CDH4: variants seen among roughly 807,000 people sequenced by gnomAD.
The protein encoded by CDH4 is cadherin-4.
Under a neutral mutation model 86.0 loss-of-function variants are expected in CDH4, and 33 were observed. The ratio of observed to expected loss-of-function variants is 0.38; its 90% confidence interval spans 0.29 to 0.51. The LOEUF (loss-of-function observed/expected upper bound fraction) is 0.51, where lower values mean the gene tolerates loss of function less well. Ranked by LOEUF, CDH4 falls within the 20% of genes least tolerant of loss-of-function variation. CDH4 has a pLI of 0.86. For synonymous variants in CDH4, 555 were observed against 549.4 expected, an observed-to-expected ratio of 1.01 and a Z score of -0.14; for missense variants, 1,114 against 1,307.4, an observed-to-expected ratio of 0.85 and a Z score of 2.28.
At chr20:61,702,003 G>A (rs927306814) in intron 2 of CDH4, among the ~76,000 whole-genome samples, 3 of 152,210 alleles carry the variant, frequency 2.0e-5, no homozygotes, top group African/African-American at 2.4e-5. Context: ...CCGGGAGGAA[G>A]AGCCTAGACC....
chr20:61,635,237 C>T (rs991033675), intron 2 of CDH4, among the ~76,000 whole-genome samples: 3 of 152,232 alleles, frequency 2.0e-5, no homozygotes, highest in Non-Finnish European at 2.9e-5. Context: ...AGGGGCCTCA[C>T]GGTTCCACAT....
At chr20:61,492,490 T>G (rs1040108614) in intron 2 of CDH4, among the ~76,000 whole-genome samples, 3 of 152,154 alleles carry the variant, frequency 2.0e-5, no homozygotes, top group African/African-American at 7.2e-5. Context: ...GATGCTGATG[T>G]TGGTGGTGTC....
chr20:61,565,051 T>A (rs1256446779), intron 2 of CDH4, among the ~76,000 whole-genome samples: 1 of 132,472 alleles, frequency 7.5e-6, no homozygotes, highest in Non-Finnish European at 1.6e-5. Context: ...TTGCTGCCAC[T>A]GGTGGTGCTC....
At chr20:61,456,093 T>G (rs1433307480) in intron 2 of CDH4, among the ~76,000 whole-genome samples, 1 of 151,892 alleles carries the variant, frequency 6.6e-6, no homozygotes. Flanking sequence ...GAGGAATGGC[T>G]GGATGGTTGG....
intron 2 of CDH4, among the ~76,000 whole-genome samples, chr20:61,478,040 G>A (rs574867353): frequency 2.6e-5 from 4 of 152,294 alleles, no homozygotes; most frequent in African/African-American, 4.8e-5. Context: ...GTCTAATCGC[G>A]TGAGGACTGA....
chr20:61,444,114 G>A (rs2085329607), intron 2 of CDH4, among the ~76,000 whole-genome samples: 1 of 151,082 alleles, frequency 6.6e-6, no homozygotes. Context: ...GTGATTGTGT[G>A]TATCTCTATA....
At chr20:61,595,168 A>G (rs1163341443) in intron 2 of CDH4, among the ~76,000 whole-genome samples, 1 of 152,236 alleles carries the variant, frequency 6.6e-6, no homozygotes, top group Non-Finnish European at 1.5e-5. Context: ...ACAAAACTGT[A>G]GGCCCTTAGG....
At chr20:61,367,909 C>T (rs112341253) in intron 2 of CDH4, among the ~76,000 whole-genome samples, 2 of 134,634 alleles carry the variant, frequency 1.5e-5, no homozygotes, top group African/African-American at 3.0e-5. Flanking sequence ...CTTGCTCTGT[C>T]GCCCAGGCTG....
At chr20:61,528,001 G>A (rs531914182) in intron 2 of CDH4, among the ~76,000 whole-genome samples, 2 of 152,226 alleles carry the variant, frequency 1.3e-5, no homozygotes, top group South Asian at 2.1e-4. Flanking sequence ...TTATTCCAGG[G>A]TATAGAGATA....
chr20:61,545,346 T>G (rs977645559), intron 2 of CDH4, among the ~76,000 whole-genome samples: 9 of 152,254 alleles, frequency 5.9e-5, no homozygotes, highest in Non-Finnish European at 1.0e-4. Context: ...CATTTCACAA[T>G]TCTGCCGGCC....
At chr20:61,721,137 C>T (rs550874870) in intron 2 of CDH4, among the ~76,000 whole-genome samples, 5 of 152,262 alleles carry the variant, frequency 3.3e-5, no homozygotes, top group Non-Finnish European at 5.9e-5. Flanking sequence ...TGACCTGAAG[C>T]GGGAGGTGAA....
chr20:61,699,525 TC>T (rs55853069), intron 2 of CDH4, among the ~76,000 whole-genome samples: 38,687 of 151,962 alleles, frequency 0.25, 6,620 homozygotes, highest in Non-Finnish European at 0.36. Context: ...TTTCTGGCTC[TC>T]CGAGTTGTTG....
In CDH4 at chr20:61,536,209, G is replaced by A. The variant is rs998816972; in HGVS notation, c.170-207354G>A. ...CACTGCCTCCCTCGTGTGTTCCACG[G>A]GTGCAACAAACACATCTCAGATCCA... On this transcript the variant is annotated intron_variant, in intron 2 of 15. Coordinates refer to ENST00000614565, the MANE Select transcript of CDH4 (RefSeq NM_001794.5). 5.3e-5 allele frequency among the ~76,000 whole-genome samples: 8 copies of A among 152,200 alleles called. No homozygotes were observed. The South Asian group carries it at 1.7e-3, about 32-fold the overall frequency.
intron 6 of CDH4, among the ~76,000 whole-genome samples, chr20:61,870,715 G>A (rs926672964): frequency 1.3e-5 from 2 of 152,220 alleles, no homozygotes; most frequent in Middle Eastern, 3.4e-3. Context: ...AGCCAAATGC[G>A]GTCACCACCG....
chr20:61,513,993 C>T (rs2085798946), intron 2 of CDH4, among the ~76,000 whole-genome samples: 1 of 152,234 alleles, frequency 6.6e-6, no homozygotes, highest in Non-Finnish European at 1.5e-5. Context: ...GGGCAACGCC[C>T]ACTGGAGACC....
rs2084991361 is a variant in CDH4, at chr20:61,392,356, C to G, written c.169+137419C>G. ...CTCCCCTGCGATTCCGCTCGGAGTC[C>G]CACGCTGCTCAGTATGCATGATCAC... On this transcript the variant is annotated intron_variant, in intron 2 of 15. Transcript: ENST00000614565. This position sits in a 1 kb window ranked among gnomAD's most constrained non-coding sequence, Gnocchi z 5.7. 6.6e-6 allele frequency among the ~76,000 whole-genome samples: 1 copy of G among 152,114 alleles called. No homozygotes were observed. The highest frequency in any genetic ancestry group is 1.5e-5 in the Non-Finnish European group (1 of 68,024).
intron 2 of CDH4, among the ~76,000 whole-genome samples, chr20:61,388,618 C>A (rs1354970806): frequency 1.3e-5 from 2 of 152,204 alleles, no homozygotes; most frequent in African/African-American, 2.4e-5. Context: ...TGCTTCTATT[C>A]TGTCGTTAGC....
chr20:61,586,667 C>T (rs2086478374), intron 2 of CDH4, among the ~76,000 whole-genome samples: 2 of 152,162 alleles, frequency 1.3e-5, no homozygotes, highest in Non-Finnish European at 2.9e-5. Context: ...ATCAGCGTGA[C>T]TTTACCAGGG....
At chr20:61,425,778 G>A (rs1401905744) in intron 2 of CDH4, among the ~76,000 whole-genome samples, 1 of 150,954 alleles carries the variant, frequency 6.6e-6, no homozygotes, top group African/African-American at 2.5e-5. Context: ...CCCCGCCCAG[G>A]GCAGGATGGC....
Sources: allele counts gnomAD v4.1 joint callset (sites outside exome capture counted in the v4.1 genomes callset), GRCh38; gene constraint gnomAD v4.1.1; non-coding constraint Gnocchi (gnomAD v3.1); transcripts MANE v1.5; gene names NCBI Gene and HGNC (gene_info 2026-07-23, HGNC 2026-07-21).